Variants in PSG7 observed in about 807,000 individuals in gnomAD.
PSG7 encodes pregnancy-specific beta-1-glycoprotein 7.
Under a neutral mutation model 45.6 loss-of-function variants are expected in PSG7, and 57 were observed. The ratio of observed to expected loss-of-function variants is 1.25; its 90% CI spans 1.01 to 1.56. The LOEUF (loss-of-function observed/expected upper bound fraction) is 1.56, where lower values mean the gene tolerates loss of function less well. Among genes scored for constraint, PSG7 ranks in the 40% most tolerant of loss-of-function variants. PSG7 has a pLI of 0.00. For missense variants in PSG7, 796 were observed against 508.4 expected (o/e 1.57, Z -5.44); for synonymous variants, 298 against 194.4 (o/e 1.53, Z -4.43).
At chr19:42,932,903 C>A (rs1260563907) in intron 2 of PSG7, among the ~76,000 whole-genome samples, 1 of 151,084 alleles carries the variant, frequency 6.6e-6, no homozygotes, top group East Asian at 2.0e-4. Flanking sequence ...TAACTAATTG[C>A]TCCTATAGAT....
Position 42,926,714 on chromosome 19 carries a change from T to A in PSG7, c.712A>T (p.Lys238Ter), listed in dbSNP as rs1972901413. The A allele has an allele frequency of 1.2e-6, 2 of 1,610,230 alleles. No individual in the cohort carries two copies. Among genetic ancestry groups the A allele is most frequent in the South Asian group, 1.1e-5 (1 of 90,520 alleles). ...ATGGTGATGTAGGGCTTGGGCAGCT[T>A]CGCTGTGTGAATAACAGAGAGAAGA... ...SDPVTLNLLP[K>*]LPKPYITINN... is the part of the protein sequence containing the mutation. Residue 238 changes from lysine to a stop codon, truncating the protein, a stop_gained and splice_region_variant, in exon 4 of 6, where the codon AAG becomes TAG. Transcript: ENST00000406070. LOFTEE classifies it high-confidence loss of function.
Position 42,927,253 on chromosome 19 carries a change from C to G in PSG7, c.710-537G>C, listed in dbSNP as rs1972914921. On this transcript the variant is annotated intron_variant, in intron 3 of 5. Coordinates refer to ENST00000406070, the MANE Select transcript of PSG7 (RefSeq NM_002783.3). ...TCAGCAGAAATAACACAGGGGAGAC[C>G]ATAGTCAAGCCTGGAGGTCAGTTCA... is the stretch of plus-strand genomic sequence containing the variant. 1.8e-5 allele frequency: 3 copies of G among 163,700 alleles called. No homozygotes were observed. The South Asian group carries it at 4.8e-4, about 26-fold the overall frequency. 10.1% of individuals were successfully genotyped at this position (163,700 alleles called of 1,614,324 possible). A position where few individuals can be genotyped will look rare whatever the true frequency, so the allele number is the denominator to read the frequency against.
rs1972487557 is a variant in PSG7, at chr19:42,924,683, C to G, written c.*125G>C. 1.3e-6 allele frequency: 1 copy of G among 762,116 alleles called. No homozygotes were observed. The highest frequency in any genetic ancestry group is 1.4e-5 in the South Asian group (1 of 73,240). The allele number at this position is 762,116 out of a possible 1,614,324, so 47.2% of individuals were successfully genotyped here. ...TTCTGAGTGGCTCAGACATCAGGTA[C>G]AAGGATTTTCCCATGAAATTTACAT... On this transcript the variant is annotated 3_prime_UTR_variant, in exon 6 of 6. Coordinates refer to ENST00000406070, the MANE Select transcript of PSG7 (RefSeq NM_002783.3).
At position 42,932,767 on chromosome 19, in the gene PSG7, G is replaced by T. The variant is rs1192307799; in HGVS notation, c.430+2637C>A. On this transcript the variant is annotated intron_variant, in intron 2 of 5. Transcript: ENST00000406070. ...CCTTACTTTGCCCAGGGACTGCCTT[G>T]GTAAAACTAGTGAAAGACCATGAGA... Among the ~76,000 whole-genome samples, 7 of 151,408 alleles carry T rather than the reference G, an allele frequency of 4.6e-5. 1 individual carries two copies. Among genetic ancestry groups the T allele is most frequent in the East Asian group, 1.9e-4 (1 of 5,152 alleles).
chr19:42,929,391 A>T, intron 3 of PSG7, 51 bp downstream of exon 3: 2 of 1,611,632 alleles, frequency 1.2e-6, no homozygotes, highest in South Asian at 2.2e-5. Flanking sequence ...GCCTCTGGCC[A>T]TGTGTATTTG....
chr19:42,929,148 A>T (rs1972961249), intron 3 of PSG7: 4 of 582,542 alleles, frequency 6.9e-6, no homozygotes, highest in South Asian at 6.1e-5. Context: ...GCAACACTGA[A>T]GTCCCAGCCA....
chr19:42,934,578 C>T (rs918162311), intron 2 of PSG7, among the ~76,000 whole-genome samples: 1 of 151,668 alleles, frequency 6.6e-6, no homozygotes. Flanking sequence ...TTCACAGTCA[C>T]CTGACCTAAT....
At chr19:42,930,096 C>T (rs1035574073) in intron 2 of PSG7, among the ~76,000 whole-genome samples, 2 of 151,688 alleles carry the variant, frequency 1.3e-5, no homozygotes, top group Non-Finnish European at 2.9e-5. Context: ...TAGTTTCAAT[C>T]TTACTTTGCC....
intron 2 of PSG7, 150 bp from the exon 3 acceptor site, chr19:42,929,870 T>G (rs1011415675): frequency 4.6e-6 from 6 of 1,302,372 alleles, no homozygotes; most frequent in Admixed American, 4.7e-5. Context: ...GACAGATGCA[T>G]GGCAATCTGA....
intron 4 of PSG7, 192 bp downstream of exon 4, chr19:42,926,246 C>A (rs1434477605): frequency 7.2e-7 from 1 of 1,396,288 alleles, no homozygotes; most frequent in Admixed American, 2.7e-5. Context: ...GTCCACTCCC[C>A]TTATATTCTT....
chr19:42,930,109 CT>C (rs1972987757), intron 2 of PSG7, among the ~76,000 whole-genome samples: 1 of 151,638 alleles, frequency 6.6e-6, no homozygotes, highest in Non-Finnish European at 1.5e-5. Flanking sequence ...ACTTTGCCCC[CT>C]GTGGTATGTT....
intron 3 of PSG7, among the ~76,000 whole-genome samples, chr19:42,928,939 A>G (rs1283060043): frequency 6.6e-6 from 1 of 151,608 alleles, no homozygotes; most frequent in African/African-American, 2.4e-5. Context: ...TCAGCCAAGA[A>G]TGCTCGGCCA....
At position 42,925,767 on chromosome 19, in the gene PSG7, A is replaced by T. The variant is rs765521190; in HGVS notation, c.1243+6T>A. ...CCTATTGCCAAGGATGCTGGGATCC[A>T]CTTACCAGAGACTCTGACTGTCACG... On this transcript the variant is annotated splice_donor_region_variant and intron_variant, in intron 5 of 5. Coordinates refer to ENST00000406070, the MANE Select transcript of PSG7 (RefSeq NM_002783.3). 6.2e-7 allele frequency: 1 copy of T among 1,611,894 alleles called. No homozygotes were observed.
In PSG7 at chr19:42,929,662, C is replaced by A. The variant is rs376813434; in HGVS notation, c.489G>T (p.Glu163Asp). The change falls in exon 3 of 6, where the codon GAG (glutamate) becomes GAT (aspartate). Residue 163 changes from glutamate to aspartate, a missense_variant. Glu to Asp is a conservative substitution (Grantham distance 45, BLOSUM62 2). Coordinates refer to ENST00000406070, the MANE Select transcript of PSG7 (RefSeq NM_002783.3). ...SSNFNPREAT[E>D]AVILTCDPET... ...CAGGATCACAGGTTAAAATCACAGC[C>A]TCCGTGGCCTCCCTGGGGTTGAAAT... The A allele has an allele frequency of 1.2e-6, 2 of 1,612,426 alleles. No individual in the cohort carries two copies. The highest frequency in any genetic ancestry group is 1.1e-5 in the South Asian group (1 of 90,842).
chr19:42,931,335 G>T (rs1169467466), intron 2 of PSG7, among the ~76,000 whole-genome samples: 3 of 146,696 alleles, frequency 2.0e-5, no homozygotes, highest in Admixed American at 6.9e-5. Context: ...AAAGAAAGAT[G>T]CCAAAGGTGA....
chr19:42,926,268 T>G lies in PSG7; in HGVS notation c.988+170A>C, dbSNP rs1377767844. On this transcript the variant is annotated intron_variant, in intron 4 of 5. Coordinates refer to ENST00000406070, the MANE Select transcript of PSG7 (RefSeq NM_002783.3). ...CCCCTTATATTCTTGGTTAAGGCTG[T>G]GCCTACCCAGGTTTTCCCAGGGCAG... The G allele has an allele frequency of 1.3e-5, 18 of 1,439,236 alleles. No individual in the cohort carries two copies. In the East Asian group the frequency reaches 4.3e-4, roughly 34 times the overall value. The allele number at this position is 1,439,236 out of a possible 1,614,324, so 89.2% of individuals were successfully genotyped here. A position where few individuals can be genotyped will look rare whatever the true frequency, so the allele number is the denominator to read the frequency against.
chr19:42,936,999 A>C lies in PSG7; in HGVS notation c.64+14T>G, dbSNP rs771334781. On this transcript the variant is annotated intron_variant, in intron 1 of 5. Coordinates refer to ENST00000406070, the MANE Select transcript of PSG7 (RefSeq NM_002783.3). ...TTCCTTTTCCTGTCCTCTCCCAGGAAGTTCTCTCCTCACCTGTGAGCAGGA... is the reference window on the plus strand; with the variant it reads ...TTCCTTTTCCTGTCCTCTCCCAGGACGTTCTCTCCTCACCTGTGAGCAGGA... 172 of 1,610,262 alleles carry C rather than the reference A, an allele frequency of 1.1e-4. 2 individuals carry two copies. The highest frequency in any genetic ancestry group is 1.4e-4 in the Non-Finnish European group (170 of 1,177,720).
chr19:42,927,297 C>T (rs1278579871), intron 3 of PSG7: 2 of 158,430 alleles, frequency 1.3e-5, no homozygotes, highest in Non-Finnish European at 2.8e-5. Flanking sequence ...GCAGTGGAGG[C>T]TCAAGGTGGG....
At chr19:42,925,669 C>T (rs1972865438) in intron 5 of PSG7, 104 bp downstream of exon 5, 1 of 1,590,222 alleles carries the variant, frequency 6.3e-7, no homozygotes, top group African/African-American at 1.4e-5. Context: ...TGCTTGTGCC[C>T]ATGGGACACA....
Sources: allele counts gnomAD v4.1 joint callset (sites outside exome capture counted in the v4.1 genomes callset), GRCh38; gene constraint gnomAD v4.1.1; transcripts MANE v1.5; gene names NCBI Gene and HGNC (gene_info 2026-07-23, HGNC 2026-07-21).